Variants in MTUS2 observed in about 807,000 individuals in gnomAD.
MTUS2 encodes the protein microtubule associated scaffold protein 2.
Under a neutral mutation model 114.1 loss-of-function variants are expected in MTUS2, and 40 were observed. The ratio of observed to expected loss-of-function variants is 0.35; its 90% confidence interval spans 0.27 to 0.46. The LOEUF (loss-of-function observed/expected upper bound fraction) is 0.46, where lower values mean the gene tolerates loss of function less well. Among genes scored for constraint, MTUS2 ranks in the 20% least tolerant of loss-of-function variants. The probability of loss-of-function intolerance (pLI) is 1.00; values close to 1 mark genes in which losing one functional copy is unlikely to be tolerated. For missense variants in MTUS2, 1,679 were observed against 1,705.4 expected, an observed-to-expected ratio of 0.98 and a Z score of 0.27; for synonymous variants, 688 against 672.0, an observed-to-expected ratio of 1.02 and a Z score of -0.37.
At chr13:29,352,563 T>C (rs1425378988) in intron 7 of MTUS2, among the ~76,000 whole-genome samples, 1 of 152,226 alleles carries the variant, frequency 6.6e-6, no homozygotes, top group African/African-American at 2.4e-5. Context: ...CTTTTTTGTT[T>C]TATGGATTTA....
At chr13:28,964,748 G>GTGTTTTTTTTTTTTTTTTTTTTTT (rs1883499592) in intron 2 of MTUS2, among the ~76,000 whole-genome samples, 1 of 139,990 alleles carries the variant, frequency 7.1e-6, no homozygotes, top group Non-Finnish European at 1.6e-5. Flanking sequence ...GCTTTTTTGT[G>GTGTTTTTTTTTTTTTTTTTTTTTT]TTTTTAATGC....
intron 2 of MTUS2, among the ~76,000 whole-genome samples, chr13:28,981,340 T>C (rs549300009): frequency 6.6e-6 from 1 of 152,316 alleles, no homozygotes; most frequent in South Asian, 2.1e-4. Flanking sequence ...CATAAAGATA[T>C]TCTGGAAAAG....
At chr13:29,403,949 C>A (rs900634444) in intron 8 of MTUS2, among the ~76,000 whole-genome samples, 7 of 152,142 alleles carry the variant, frequency 4.6e-5, no homozygotes, top group Admixed American at 4.6e-4. Context: ...GACATTCCAT[C>A]TAAACTCTTC....
At chr13:29,246,094 G>T (rs1249890147) in intron 5 of MTUS2, among the ~76,000 whole-genome samples, 1 of 152,172 alleles carries the variant, frequency 6.6e-6, no homozygotes, top group Non-Finnish European at 1.5e-5. Flanking sequence ...TGTAAAATAT[G>T]TATTTAAGTC....
intron 8 of MTUS2, among the ~76,000 whole-genome samples, chr13:29,391,026 C>T (rs541855605): frequency 6.6e-6 from 1 of 152,090 alleles, no homozygotes; most frequent in South Asian, 2.1e-4. Flanking sequence ...GCACACCTGC[C>T]TTGGCCTCCC....
intron 5 of MTUS2, among the ~76,000 whole-genome samples, chr13:29,208,321 T>A (rs1287889546): frequency 6.6e-6 from 1 of 152,108 alleles, no homozygotes; most frequent in Non-Finnish European, 1.5e-5. Flanking sequence ...TCTTTTCTCT[T>A]CTTTTCTTGG....
chr13:29,357,529 C>A (rs1869851508), intron 7 of MTUS2, among the ~76,000 whole-genome samples: 1 of 152,208 alleles, frequency 6.6e-6, no homozygotes, highest in African/African-American at 2.4e-5. Context: ...AAAAAAATAT[C>A]TATCTTTGGT....
chr13:29,405,048 G>A (rs1364890558), intron 8 of MTUS2, among the ~76,000 whole-genome samples: 1 of 152,156 alleles, frequency 6.6e-6, no homozygotes, highest in Non-Finnish European at 1.5e-5. Context: ...TGTATTGATT[G>A]TAGAGCTAAA....
intron 8 of MTUS2, among the ~76,000 whole-genome samples, chr13:29,416,041 G>A (rs569533230): frequency 4.0e-5 from 6 of 150,646 alleles, no homozygotes; most frequent in East Asian, 3.9e-4. Context: ...TCAGCCTCCC[G>A]AGTAGCTGGG....
intron 5 of MTUS2, among the ~76,000 whole-genome samples, chr13:29,169,684 C>T (rs1893471090): frequency 6.6e-6 from 1 of 152,126 alleles, no homozygotes; most frequent in Non-Finnish European, 1.5e-5. Flanking sequence ...TATCACTTTG[C>T]TGTGCAAGTA....
chr13:29,205,861 C>T (rs73447285), intron 5 of MTUS2, among the ~76,000 whole-genome samples: 3,822 of 152,294 alleles, frequency 0.025, 158 homozygotes, highest in African/African-American at 0.087. Flanking sequence ...ATTCTGCTGT[C>T]ATAAACATGT....
At chr13:29,203,576 A>AAC (rs1392884343) in intron 5 of MTUS2, among the ~76,000 whole-genome samples, 16 of 142,946 alleles carry the variant, frequency 1.1e-4, no homozygotes, top group African/African-American at 4.0e-4. Flanking sequence ...AAAAAAAAAA[A>AAC]AAAACTCCTG....
intron 2 of MTUS2, among the ~76,000 whole-genome samples, chr13:28,965,687 G>A (rs752242370): frequency 2.6e-5 from 4 of 152,196 alleles, no homozygotes; most frequent in African/African-American, 7.2e-5. Flanking sequence ...GAACTAGCAA[G>A]TTCAAAACCT....
At chr13:29,295,440 A>G (rs1457479022) in intron 6 of MTUS2, among the ~76,000 whole-genome samples, 1 of 151,426 alleles carries the variant, frequency 6.6e-6, no homozygotes, top group Non-Finnish European at 1.5e-5. Context: ...TACCTTCCCC[A>G]CCTCTAGTGA....
chr13:28,873,365 C>T (rs188015206), intron 2 of MTUS2, among the ~76,000 whole-genome samples: 6 of 152,324 alleles, frequency 3.9e-5, no homozygotes, highest in Admixed American at 3.9e-4. Flanking sequence ...ACAAATGCCA[C>T]TTCCCTGAAG....
chr13:29,495,573 A>G (rs1015077346), intron 12 of MTUS2, among the ~76,000 whole-genome samples: 5 of 152,068 alleles, frequency 3.3e-5, no homozygotes, highest in African/African-American at 1.2e-4. Flanking sequence ...TTCTCTTGCC[A>G]GAAAAGTTCA....
intron 5 of MTUS2, among the ~76,000 whole-genome samples, chr13:29,266,083 G>A (rs1273937045): frequency 1.3e-5 from 2 of 152,138 alleles, no homozygotes; most frequent in African/African-American, 2.4e-5. Flanking sequence ...GTGGCAGGAA[G>A]AAAAGGGAAG....
intron 5 of MTUS2, among the ~76,000 whole-genome samples, chr13:29,138,596 T>C (rs1892083670): frequency 6.6e-6 from 1 of 151,218 alleles, no homozygotes; most frequent in Non-Finnish European, 1.5e-5. Context: ...GTGGGATGAC[T>C]AATGAGTGCA....
At position 28,930,473 on chromosome 13, in the gene MTUS2, G is replaced by A. The variant is rs540129051; in HGVS notation, c.-243+90623G>A. The stretch of plus-strand genomic sequence containing the variant: ...GGGAGCCAGGCATTGGTCCTCCATA[G>A]CACTTCTGTTTCCTTACTGGGTAGA... On this transcript the variant is annotated intron_variant, in intron 2 of 15. Transcript: ENST00000612955. 4.6e-5 allele frequency among the ~76,000 whole-genome samples: 7 copies of A among 152,280 alleles called. No homozygotes were observed. In the South Asian group the frequency reaches 1.2e-3, roughly 27 times the overall value.
Sources: allele counts gnomAD v4.1 joint callset (sites outside exome capture counted in the v4.1 genomes callset), GRCh38; gene constraint gnomAD v4.1.1; transcripts MANE v1.5; gene names NCBI Gene and HGNC (gene_info 2026-07-23, HGNC 2026-07-21).